Variants in C4orf51 observed in about 807,000 individuals in gnomAD.
The protein encoded by C4orf51 is uncharacterized protein C4orf51.
Under a neutral mutation model 25.2 loss-of-function variants are expected in C4orf51, and 25 were observed. The ratio of observed to expected loss-of-function variants is 0.99; its 90% CI spans 0.72 to 1.39. C4orf51 has a LOEUF of 1.39. Among genes scored for constraint, C4orf51 ranks in the 40% most tolerant of loss-of-function variants. C4orf51 has a pLI of 0.00. For synonymous variants in C4orf51, 100 were observed against 84.5 expected, an observed-to-expected ratio of 1.18 and a Z score of -1.01; for missense variants, 252 against 239.6, an observed-to-expected ratio of 1.05 and a Z score of -0.34.
chr4:145,767,189 A>C (rs543528852), intron 1 of C4orf51, among the ~76,000 whole-genome samples: 9 of 152,332 alleles, frequency 5.9e-5, no homozygotes, highest in Admixed American at 5.9e-4. Flanking sequence ...TCAAGAAGTT[A>C]AGTAGAGACA....
the C4orf51 span, among the ~76,000 whole-genome samples, chr4:145,790,570 A>G: frequency 6.6e-6 from 1 of 152,218 alleles, no homozygotes; most frequent in East Asian, 1.9e-4. Flanking sequence ...TCATTTCCAG[A>G]TATTATTCAA....
intron 1 of C4orf51, among the ~76,000 whole-genome samples, chr4:145,741,045 C>T (rs1046522728): frequency 1.3e-5 from 2 of 152,172 alleles, no homozygotes; most frequent in African/African-American, 4.8e-5. Context: ...ATCCCCTCCT[C>T]CTCCTCACAA....
chr4:145,766,514 G>A (rs1735319196), intron 1 of C4orf51, among the ~76,000 whole-genome samples: 1 of 152,226 alleles, frequency 6.6e-6, no homozygotes, highest in African/African-American at 2.4e-5. Flanking sequence ...TCATTGCAGA[G>A]AGAAGGAACC....
Position 145,732,548 on chromosome 4 carries a change from G to A in C4orf51, c.597G>A (p.Ser199=), listed in dbSNP as rs771966446. ...YSDYGWGGPS[S]PFN is the part of the protein sequence containing the mutation. ...ATTATGGCTGGGGAGGACCCTCATC[G>A]CCATTTAACTGAGTTGGAAAATGAA... is the stretch of plus-strand genomic sequence containing the variant. Residue 199 remains serine (S), a synonymous_variant, in exon 6 of 6, where the codon TCG becomes TCA. Coordinates refer to ENST00000438731, the MANE Select transcript of C4orf51 (RefSeq NM_001080531.3). The A allele has an allele frequency of 1.2e-6, 2 of 1,606,532 alleles. No individual in the cohort carries two copies. The highest frequency in any genetic ancestry group is 1.1e-5 in the South Asian group (1 of 89,558).
At chr4:145,769,134 G>A (rs775584367) in intron 1 of C4orf51, among the ~76,000 whole-genome samples, 1 of 151,716 alleles carries the variant, frequency 6.6e-6, no homozygotes, top group Admixed American at 6.6e-5. Flanking sequence ...GTCCAGGGCA[G>A]ACAACTCTTA....
chr4:145,723,394 A>G (rs537518002), intron 2 of C4orf51, among the ~76,000 whole-genome samples: 1 of 151,770 alleles, frequency 6.6e-6, no homozygotes, highest in South Asian at 2.1e-4. Flanking sequence ...CAGGTGGGAG[A>G]TGAAAGTATC....
At chr4:145,699,315 T>G (rs1357174993) in intron 2 of C4orf51, among the ~76,000 whole-genome samples, 1 of 108,406 alleles carries the variant, frequency 9.2e-6, no homozygotes, top group Non-Finnish European at 1.9e-5. Context: ...CCTTGGGAGA[T>G]CAATCCCCTG....
chr4:145,789,842 T>A, the C4orf51 span, among the ~76,000 whole-genome samples: 1 of 152,200 alleles, frequency 6.6e-6, no homozygotes, highest in Non-Finnish European at 1.5e-5. Flanking sequence ...AAAGAGAGCT[T>A]TATTGAGGCA....
At chr4:145,683,770 T>C (rs554747915) in intron 1 of C4orf51, among the ~76,000 whole-genome samples, 1 of 152,300 alleles carries the variant, frequency 6.6e-6, no homozygotes, top group Admixed American at 6.5e-5. Context: ...GACCTAAATG[T>C]AAAATGCAAA....
chr4:145,715,578 C>A (rs188798867), intron 2 of C4orf51, among the ~76,000 whole-genome samples: 18 of 152,314 alleles, frequency 1.2e-4, no homozygotes, highest in African/African-American at 4.3e-4. Flanking sequence ...TTTTACCCCA[C>A]TAATGTGCTG....
At chr4:145,712,795 T>G (rs1445728512) in intron 2 of C4orf51, among the ~76,000 whole-genome samples, 1 of 152,234 alleles carries the variant, frequency 6.6e-6, no homozygotes, top group African/African-American at 2.4e-5. Context: ...AGATGCCATC[T>G]AGAACTTTCA....
chr4:145,778,933 A>G, the C4orf51 span, among the ~76,000 whole-genome samples: 1 of 152,094 alleles, frequency 6.6e-6, no homozygotes, highest in Admixed American at 6.5e-5. Context: ...CCCTTTCCCA[A>G]CTCTCAGAAC....
chr4:145,731,320 C>G (rs907203583), intron 5 of C4orf51, among the ~76,000 whole-genome samples: 33 of 152,138 alleles, frequency 2.2e-4, no homozygotes, highest in Non-Finnish European at 7.3e-5. Context: ...GGTGCTTCCC[C>G]AACCCCTCCC....
chr4:145,747,054 T>C (rs1220391721), intron 1 of C4orf51, among the ~76,000 whole-genome samples: 1 of 152,194 alleles, frequency 6.6e-6, no homozygotes, highest in East Asian at 1.9e-4. Context: ...ACGTTGATTT[T>C]GTATTCTGCA....
chr4:145,715,649 A>C (rs1731370786), intron 2 of C4orf51, among the ~76,000 whole-genome samples: 1 of 152,186 alleles, frequency 6.6e-6, no homozygotes, highest in Non-Finnish European at 1.5e-5. Flanking sequence ...GGTGGTTGTC[A>C]AAATCAATCC....
intron 1 of C4orf51, among the ~76,000 whole-genome samples, chr4:145,685,663 A>C (rs988104283): frequency 6.6e-6 from 1 of 152,206 alleles, no homozygotes; most frequent in African/African-American, 2.4e-5. Flanking sequence ...CGATTAGGTC[A>C]GTGGTCGATC....
chr4:145,730,024 G>A, intron 5 of C4orf51, 59 bp downstream of exon 5: 3 of 1,428,028 alleles, frequency 2.1e-6, no homozygotes, highest in Admixed American at 1.7e-5. Flanking sequence ...AGGAAGCGGG[G>A]TTCTGAGTGT....
chr4:145,699,744 G>T (rs1271175338), intron 2 of C4orf51, among the ~76,000 whole-genome samples: 1 of 151,926 alleles, frequency 6.6e-6, no homozygotes, highest in Admixed American at 6.6e-5. Flanking sequence ...CGCTTTTCTG[G>T]GGAAGGGGCA....
chr4:145,724,013 A>G (rs906304346), intron 2 of C4orf51, among the ~76,000 whole-genome samples: 10 of 152,250 alleles, frequency 6.6e-5, no homozygotes, highest in Non-Finnish European at 1.0e-4. Flanking sequence ...AAAGATAAAC[A>G]CAAATGTATA....
Sources: gnomAD v4.1 joint callset for allele counts (sites outside exome capture counted in the v4.1 genomes callset) on GRCh38, gnomAD v4.1.1 for gene constraint, MANE v1.5 for transcripts, NCBI Gene and HGNC (gene_info 2026-07-23, HGNC 2026-07-21) for gene names.